Variants in EDIL3 observed in about 807,000 individuals in gnomAD.
The protein encoded by EDIL3 is EGF like and discoidin domains 3.
EDIL3 carries 37 observed loss-of-function variants against 67.4 expected under a neutral mutation model. The observed-to-expected ratio is 0.55, with a 90% CI of 0.42 to 0.72. EDIL3 has a LOEUF of 0.72. Among genes scored for constraint, EDIL3 ranks in the 30% least tolerant of loss-of-function variants. The probability of loss-of-function intolerance (pLI) is 0.00; values close to 1 mark genes in which losing one functional copy is unlikely to be tolerated. For missense variants in EDIL3, 527 were observed against 586.3 expected (o/e 0.90, Z 1.04); for synonymous variants, 195 against 196.3 (o/e 0.99, Z 0.05).
intron 1 of EDIL3, among the ~76,000 whole-genome samples, chr5:84,309,222 A>G (rs1746330774): frequency 6.6e-6 from 1 of 151,504 alleles, no homozygotes; most frequent in Non-Finnish European, 1.5e-5. Context: ...TTTTGTAATT[A>G]ATTGTTGGGG....
chr5:84,043,370 A>C (rs1746165863), intron 9 of EDIL3, among the ~76,000 whole-genome samples: 1 of 152,226 alleles, frequency 6.6e-6, no homozygotes, highest in African/African-American at 2.4e-5. Context: ...GGATTCATTT[A>C]GATAATTTCA....
chr5:84,166,984 G>A (rs554627975), intron 4 of EDIL3, among the ~76,000 whole-genome samples: 368 of 152,204 alleles, frequency 2.4e-3, no homozygotes, highest in South Asian at 0.011. Flanking sequence ...GAACAGGAAC[G>A]GGGCATGCCA....
intron 1 of EDIL3, among the ~76,000 whole-genome samples, chr5:84,340,530 CTCTCTATATATATATATA>C (rs1402907990): frequency 2.9e-5 from 2 of 69,812 alleles, no homozygotes; most frequent in Admixed American, 1.6e-4. Flanking sequence ...CTCTCTCTCT[CTCTCTATATATATATATA>C]TATATATATA....
chr5:84,148,808 T>C (rs1450316689), intron 4 of EDIL3, among the ~76,000 whole-genome samples: 2 of 152,136 alleles, frequency 1.3e-5, no homozygotes, highest in East Asian at 1.9e-4. Context: ...ACTTTTTATA[T>C]ATTTTTATCC....
At chr5:83,993,052 C>G (rs1745177651) in intron 9 of EDIL3, among the ~76,000 whole-genome samples, 1 of 151,986 alleles carries the variant, frequency 6.6e-6, no homozygotes, top group South Asian at 2.1e-4. Flanking sequence ...AAGAGAAAAT[C>G]TTAAAATAGT....
chr5:84,189,183 G>A (rs1308314556), intron 3 of EDIL3, among the ~76,000 whole-genome samples: 1 of 151,954 alleles, frequency 6.6e-6, no homozygotes, highest in African/African-American at 2.4e-5. Context: ...CTTTGATGGT[G>A]CTGGAGATCA....
intron 1 of EDIL3, among the ~76,000 whole-genome samples, chr5:84,274,248 A>G (rs1321323902): frequency 8.6e-5 from 13 of 152,008 alleles, no homozygotes; most frequent in Non-Finnish European, 1.9e-4. Context: ...CACTACAGGT[A>G]TGCCCACCAC....
rs773047328 is a variant in EDIL3 at position 84,305,910 on chromosome 5, A to ATAGATAG, written c.68-51699_68-51698insCTATCTA. 3.3e-3 allele frequency among the ~76,000 whole-genome samples: 494 copies of ATAGATAG among 148,870 alleles called. 1 individual carries two copies. The highest frequency in any genetic ancestry group is 6.9e-3 in the Middle Eastern group (2 of 290). On this transcript the variant is annotated intron_variant, in intron 1 of 10. Transcript: ENST00000296591. ...AAATAAATAAATAAATAAATAAATA[A>ATAGATAG]ATAAATAAATAGATAGATAAATAAA...
chr5:84,356,144 T>C (rs553972183), intron 1 of EDIL3, among the ~76,000 whole-genome samples: 10 of 152,298 alleles, frequency 6.6e-5, no homozygotes, highest in Admixed American at 5.2e-4. Flanking sequence ...TGTTGGGAAG[T>C]GTAGCTTCAC....
chr5:83,991,800 C>T (rs751153068), intron 9 of EDIL3, among the ~76,000 whole-genome samples: 2 of 152,130 alleles, frequency 1.3e-5, no homozygotes, highest in African/African-American at 4.8e-5. Flanking sequence ...TTCCTTCCTA[C>T]CGTTTTTCCT....
chr5:84,326,808 C>T (rs1264711821), intron 1 of EDIL3, among the ~76,000 whole-genome samples: 2 of 151,572 alleles, frequency 1.3e-5, no homozygotes, highest in Admixed American at 6.6e-5. Context: ...TTCTTACCAC[C>T]TTCTACATTC....
At chr5:83,965,459 G>GA (rs1305212275) in intron 9 of EDIL3, among the ~76,000 whole-genome samples, 1 of 151,636 alleles carries the variant, frequency 6.6e-6, no homozygotes, top group Non-Finnish European at 1.5e-5. Flanking sequence ...TCAATACATG[G>GA]AAAAAAAAGT....
chr5:84,327,936 G>T (rs1746796179), intron 1 of EDIL3, among the ~76,000 whole-genome samples: 1 of 151,984 alleles, frequency 6.6e-6, no homozygotes, highest in Non-Finnish European at 1.5e-5. Flanking sequence ...TATGGGGACA[G>T]GCCATGGAAG....
intron 1 of EDIL3, among the ~76,000 whole-genome samples, chr5:84,280,375 C>T (rs1055407721): frequency 1.3e-5 from 2 of 152,086 alleles, no homozygotes; most frequent in African/African-American, 4.8e-5. Flanking sequence ...TTCTAATGAT[C>T]CAGCATGTCT....
intron 4 of EDIL3, among the ~76,000 whole-genome samples, chr5:84,173,923 G>C (rs1425145334): frequency 6.6e-6 from 1 of 152,168 alleles, no homozygotes; most frequent in African/African-American, 2.4e-5. Context: ...TTTCTTGCTG[G>C]CATGAAAGAC....
chr5:84,249,856 A>G (rs1265678117), intron 2 of EDIL3, among the ~76,000 whole-genome samples: 1 of 152,084 alleles, frequency 6.6e-6, no homozygotes. Flanking sequence ...GCACTTTGGG[A>G]GCCAAGGTGG....
intron 9 of EDIL3, among the ~76,000 whole-genome samples, chr5:84,009,156 G>C (rs988843231): frequency 6.6e-6 from 1 of 152,062 alleles, no homozygotes; most frequent in Non-Finnish European, 1.5e-5. Flanking sequence ...TGGTGGGCCT[G>C]CCCAAGTTGT....
intron 3 of EDIL3, among the ~76,000 whole-genome samples, chr5:84,181,398 G>A (rs1749010814): frequency 6.6e-6 from 1 of 152,198 alleles, no homozygotes; most frequent in Non-Finnish European, 1.5e-5. Context: ...CATAGAGCTA[G>A]CTGGGCCAGT....
chr5:84,141,484 C>T (rs1748187013), intron 4 of EDIL3, among the ~76,000 whole-genome samples: 1 of 144,410 alleles, frequency 6.9e-6, no homozygotes, highest in Admixed American at 7.0e-5. Flanking sequence ...ATATATATTT[C>T]ATAATTATAT....
Sources: gnomAD v4.1 joint callset for allele counts (sites outside exome capture counted in the v4.1 genomes callset) on GRCh38, gnomAD v4.1.1 for gene constraint, MANE v1.5 for transcripts, NCBI Gene and HGNC (gene_info 2026-07-23, HGNC 2026-07-21) for gene names.